GRIN2B: variants seen among roughly 807,000 people sequenced by gnomAD.
GRIN2B encodes glutamate receptor ionotropic, NMDA 2B.
GRIN2B carries 5 observed loss-of-function variants against 114.5 expected under a neutral mutation model. The ratio of observed to expected loss-of-function variants is 0.04; its 90% CI spans 0.02 to 0.09. The LOEUF (loss-of-function observed/expected upper bound fraction) is 0.09, where lower values mean the gene tolerates loss of function less well. Ranked by LOEUF, GRIN2B falls within the 10% of genes least tolerant of loss-of-function variation. The pLI, the probability that GRIN2B is intolerant of heterozygous loss-of-function variation, is 1.00. For synonymous variants in GRIN2B, 787 were observed against 745.1 expected (o/e 1.06, Z -0.92); for missense variants, 1,108 against 1,943.5 (o/e 0.57, Z 8.08).
intron 2 of GRIN2B, among the ~76,000 whole-genome samples, chr12:13,972,809 T>A (rs149483287): frequency 1.3e-5 from 2 of 152,224 alleles, no homozygotes; most frequent in African/African-American, 2.4e-5. Context: ...AGAGACCACA[T>A]GCATTATTGT....
chr12:13,768,646 C>A (rs1863846544), intron 3 of GRIN2B, among the ~76,000 whole-genome samples: 1 of 152,194 alleles, frequency 6.6e-6, no homozygotes, highest in African/African-American at 2.4e-5. Flanking sequence ...CAAATATCCT[C>A]GTAGTAAATT....
intron 3 of GRIN2B, among the ~76,000 whole-genome samples, chr12:13,852,362 A>G (rs1448280244): frequency 6.6e-6 from 1 of 152,218 alleles, no homozygotes; most frequent in East Asian, 1.9e-4. Flanking sequence ...CCAAGAACTC[A>G]AAAGGAGAAG....
At chr12:13,852,730 G>A (rs1416072855) in intron 3 of GRIN2B, among the ~76,000 whole-genome samples, 10 of 147,874 alleles carry the variant, frequency 6.8e-5, no homozygotes, top group African/African-American at 1.0e-4. Context: ...GAAATCACAC[G>A]TGGCAAGAGG....
intron 2 of GRIN2B, among the ~76,000 whole-genome samples, chr12:13,925,400 G>T (rs1265121871): frequency 1.3e-5 from 2 of 152,136 alleles, no homozygotes; most frequent in African/African-American, 2.4e-5. Context: ...TGTCACAAAA[G>T]GACTGCAAAA....
intron 10 of GRIN2B, among the ~76,000 whole-genome samples, chr12:13,589,931 C>T (rs1948983251): frequency 6.6e-6 from 1 of 151,968 alleles, no homozygotes; most frequent in African/African-American, 2.4e-5. Flanking sequence ...GAGAGTATTT[C>T]CTTTAATAGT....
chr12:13,601,431 A>T (rs1949158766), intron 10 of GRIN2B, among the ~76,000 whole-genome samples: 1 of 152,132 alleles, frequency 6.6e-6, no homozygotes, highest in African/African-American at 2.4e-5. Flanking sequence ...TTTTCTTATA[A>T]GAACAATTGT....
Position 13,797,195 on chromosome 12 carries a change from G to C in GRIN2B, c.412-43280C>G, listed in dbSNP as rs1271862401. ...AATGTCTTATGAGAGCCCATTTCCT[G>C]GTTTACAGATGATGCCTTCCTCACA... On this transcript the variant is annotated intron_variant, in intron 3 of 13. Transcript: ENST00000609686. 2.0e-5 allele frequency among the ~76,000 whole-genome samples: 3 copies of C among 152,068 alleles called. No homozygotes were observed. In the East Asian group the frequency reaches 5.8e-4, roughly 29 times the overall value.
At chr12:13,700,461 A>T (rs1045466649) in intron 4 of GRIN2B, among the ~76,000 whole-genome samples, 1 of 151,874 alleles carries the variant, frequency 6.6e-6, no homozygotes, top group South Asian at 2.1e-4. Context: ...CTTCCCCCAT[A>T]CCCCCACTAC....
At chr12:13,681,008 C>T (rs562840308) in intron 4 of GRIN2B, among the ~76,000 whole-genome samples, 1 of 152,116 alleles carries the variant, frequency 6.6e-6, no homozygotes, top group South Asian at 2.1e-4. Context: ...GTTAAAGAGC[C>T]CTTCTGCCTC....
chr12:13,542,233 A>T lies in GRIN2B; in HGVS notation c.*20550T>A, dbSNP rs1253279316. 6.6e-6 allele frequency: 1 copy of T among 151,332 alleles called. No individual in the cohort carries two copies. The highest frequency in any genetic ancestry group is 2.4e-5 in the African/African-American group (1 of 40,908). The allele number at this position is 151,332 out of a possible 1,614,324, so 9.4% of individuals were successfully genotyped here. A position where few individuals can be genotyped will look rare whatever the true frequency, so the allele number is the denominator to read the frequency against. On this transcript the variant is annotated 3_prime_UTR_variant, in exon 14 of 14. Transcript: ENST00000609686. The stretch of plus-strand genomic sequence containing the variant: ...TGGGCAGAAGCAAAGTTGCTTTCCA[A>T]TCCTTTTTATTTGATTTTTTTTTTA...
chr12:13,607,409 A>T (rs12427329), intron 10 of GRIN2B, among the ~76,000 whole-genome samples: 2,148 of 58,694 alleles, frequency 0.037, 224 homozygotes, highest in African/African-American at 0.19. Context: ...TAATATATAA[A>T]ATATATAATA....
At chr12:13,698,742 G>A (rs1043341889) in intron 4 of GRIN2B, among the ~76,000 whole-genome samples, 5 of 152,096 alleles carry the variant, frequency 3.3e-5, no homozygotes, top group African/African-American at 1.2e-4. Flanking sequence ...CAGTGCAGTG[G>A]CACGATCCTG....
At chr12:13,639,271 G>GC (rs1949690886) in intron 5 of GRIN2B, among the ~76,000 whole-genome samples, 1 of 152,138 alleles carries the variant, frequency 6.6e-6, no homozygotes, top group Non-Finnish European at 1.5e-5. Flanking sequence ...CAACCAGTCA[G>GC]CAGCAGACCC....
chr12:13,829,635 T>C (rs1865111830), intron 3 of GRIN2B, among the ~76,000 whole-genome samples: 1 of 152,216 alleles, frequency 6.6e-6, no homozygotes, highest in Non-Finnish European at 1.5e-5. Flanking sequence ...TTTATCTTTA[T>C]CCAAATTAAA....
rs59238170 is a variant in GRIN2B at position 13,916,735 on chromosome 12, A to AAATGTGTG, written c.-18-50510_-18-50509insCACACATT. On this transcript the variant is annotated intron_variant, in intron 2 of 13. Transcript: ENST00000609686. The stretch of plus-strand genomic sequence containing the variant: ...TATACACACACACACACACACACAC[A>AAATGTGTG]TTTGTGTGTGTGTGTGTGTGTGTGT... 1.2e-4 allele frequency among the ~76,000 whole-genome samples: 12 copies of AAATGTGTG among 101,926 alleles called. No homozygotes were observed. In the East Asian group the frequency reaches 1.5e-3, roughly 12 times the overall value. 66.9% of individuals were successfully genotyped at this position (101,926 alleles called of 152,430 possible).
At chr12:13,913,622 A>C (rs984144274) in intron 2 of GRIN2B, among the ~76,000 whole-genome samples, 6 of 152,196 alleles carry the variant, frequency 3.9e-5, no homozygotes, top group African/African-American at 1.4e-4. Context: ...TCTGGGCTTC[A>C]TTGAGATGTT....
chr12:13,572,604 T>C (rs1948721009), intron 10 of GRIN2B, among the ~76,000 whole-genome samples: 1 of 152,148 alleles, frequency 6.6e-6, no homozygotes, highest in Admixed American at 6.5e-5. Context: ...AGAGTACATC[T>C]CCAGTGCCCA....
chr12:13,689,222 T>A (rs181997849), intron 4 of GRIN2B, among the ~76,000 whole-genome samples: 8 of 152,294 alleles, frequency 5.3e-5, no homozygotes, highest in Non-Finnish European at 7.3e-5. Flanking sequence ...CCACTTGCAT[T>A]TATCCCTATT....
chr12:13,854,792 T>C (rs1865630850), intron 3 of GRIN2B, among the ~76,000 whole-genome samples: 1 of 152,082 alleles, frequency 6.6e-6, no homozygotes, highest in South Asian at 2.1e-4. Context: ...TGTGTTTCTG[T>C]TTACTTCATT....
Sources: allele counts gnomAD v4.1 joint callset (sites outside exome capture counted in the v4.1 genomes callset), GRCh38; gene constraint gnomAD v4.1.1; transcripts MANE v1.5; gene names NCBI Gene and HGNC (gene_info 2026-07-23, HGNC 2026-07-21).